The following ANKS1B variants were observed in gnomAD, a reference collection of about 807,000 sequenced individuals.
ANKS1B encodes ankyrin repeat and sterile alpha motif domain-containing protein 1B.
Under a neutral mutation model 148.3 loss-of-function variants are expected in ANKS1B, and 36 were observed. The observed-to-expected ratio is 0.24, with a 90% CI of 0.19 to 0.32. The LOEUF (loss-of-function observed/expected upper bound fraction) is 0.32. Among genes scored for constraint, ANKS1B ranks in the 10% least tolerant of loss-of-function variants. The pLI is 1.00. For synonymous variants in ANKS1B, 542 were observed against 560.8 expected, an observed-to-expected ratio of 0.97 and a Z score of 0.47; for missense variants, 1,157 against 1,542.6, an observed-to-expected ratio of 0.75 and a Z score of 4.19.
intron 8 of ANKS1B, among the ~76,000 whole-genome samples, chr12:99,739,628 C>T (rs2059916239): frequency 6.6e-6 from 1 of 152,136 alleles, no homozygotes; most frequent in Non-Finnish European, 1.5e-5. Context: ...GAAAACTGCC[C>T]CTTCCACGTC....
At position 99,380,754 on chromosome 12, in the gene ANKS1B, CTCCTTCCTTCCT is replaced by C. The variant is rs144164931; in HGVS notation, c.1756+18865_1756+18876del. Among the ~76,000 whole-genome samples the C allele has an allele frequency of 9.0e-4, 120 of 132,832 alleles. 1 individual carries two copies. In the East Asian group the frequency reaches 0.013, roughly 15 times the overall value. 87.1% of individuals were successfully genotyped at this position (132,832 alleles called of 152,430 possible). A position where few individuals can be genotyped will look rare whatever the true frequency, so the allele number is the denominator to read the frequency against. On this transcript the variant is annotated intron_variant, in intron 12 of 26. Transcript: ENST00000683438. ...AATTCTTGTTGATCAGTTTCCTTTC[CTCCTTCCTTCCT>C]TCCTTCCTTCCTTCCTTCCTTCCTT...
In ANKS1B at chr12:99,589,140, T is replaced by A. The variant is rs534240403; in HGVS notation, c.1272+65927A>T. ...AAGACCTGAAATGGTCTCTCTCAAA[T>A]CTCCCACAGTCATAGAGATGGGGTG... is the stretch of plus-strand genomic sequence containing the variant. On this transcript the variant is annotated intron_variant, in intron 9 of 26. Transcript: ENST00000683438. 4.5e-4 allele frequency among the ~76,000 whole-genome samples: 69 copies of A among 152,244 alleles called. 2 individuals are homozygous for A. The South Asian group carries it at 0.012, about 27-fold the overall frequency.
chr12:99,803,011 T>C (rs984120432), intron 4 of ANKS1B, among the ~76,000 whole-genome samples: 15 of 152,104 alleles, frequency 9.9e-5, no homozygotes, highest in Non-Finnish European at 2.9e-5. Context: ...GATTTATTCA[T>C]AATAACTTGA....
intron 1 of ANKS1B, among the ~76,000 whole-genome samples, chr12:99,899,369 T>G (rs939470596): frequency 6.6e-6 from 1 of 152,186 alleles, no homozygotes; most frequent in African/African-American, 2.4e-5. Context: ...AGTTTAATAT[T>G]GTTTCCCTCA....
At chr12:99,164,168 T>C (rs983530345) in intron 14 of ANKS1B, among the ~76,000 whole-genome samples, 2 of 152,100 alleles carry the variant, frequency 1.3e-5, no homozygotes, top group Admixed American at 1.3e-4. Flanking sequence ...ATACTAGGAA[T>C]TTGTTGGACT....
chr12:98,767,776 T>C (rs975962586), intron 25 of ANKS1B, among the ~76,000 whole-genome samples: 2 of 152,252 alleles, frequency 1.3e-5, no homozygotes, highest in African/African-American at 4.8e-5. Flanking sequence ...TACTGAGAAA[T>C]CTAGAGTAAC....
chr12:99,148,050 A>G (rs2073757986), intron 15 of ANKS1B, among the ~76,000 whole-genome samples: 1 of 152,124 alleles, frequency 6.6e-6, no homozygotes, highest in South Asian at 2.1e-4. Context: ...AATGGAGGTC[A>G]CTGCCACTGA....
At chr12:99,507,780 A>G (rs1169218279) in intron 9 of ANKS1B, among the ~76,000 whole-genome samples, 1 of 151,880 alleles carries the variant, frequency 6.6e-6, no homozygotes, top group East Asian at 1.9e-4. Flanking sequence ...GTTGAACAAA[A>G]TATCTGACAA....
chr12:98,852,709 T>A (rs2099536996), intron 17 of ANKS1B, among the ~76,000 whole-genome samples: 2 of 152,160 alleles, frequency 1.3e-5, no homozygotes, highest in Admixed American at 1.3e-4. Context: ...AGAGCCCACA[T>A]TAAAAACACG....
intron 8 of ANKS1B, among the ~76,000 whole-genome samples, chr12:99,688,480 A>C (rs1723690088): frequency 6.6e-6 from 1 of 152,214 alleles, no homozygotes; most frequent in African/African-American, 2.4e-5. Flanking sequence ...AGTGGAAAGG[A>C]TATTCCCAAA....
At chr12:99,470,411 G>T (rs1456561893) in intron 10 of ANKS1B, among the ~76,000 whole-genome samples, 1 of 152,020 alleles carries the variant, frequency 6.6e-6, no homozygotes, top group Non-Finnish European at 1.5e-5. Flanking sequence ...ATCACATCAT[G>T]ATTTGTTATG....
intron 9 of ANKS1B, among the ~76,000 whole-genome samples, chr12:99,598,139 T>A (rs11109938): frequency 0.016 from 2,428 of 152,068 alleles, 66 homozygotes; most frequent in African/African-American, 0.056. Flanking sequence ...CCACATTAGA[T>A]AAAACATATA....
intron 14 of ANKS1B, among the ~76,000 whole-genome samples, chr12:99,193,743 A>G (rs1350108599): frequency 6.7e-6 from 1 of 148,730 alleles, no homozygotes; most frequent in Admixed American, 6.7e-5. Context: ...CAGCCACTGA[A>G]TCTCTGGGGA....
At chr12:99,195,480 GA>G (rs910101210) in intron 14 of ANKS1B, among the ~76,000 whole-genome samples, 1 of 150,838 alleles carries the variant, frequency 6.6e-6, no homozygotes, top group Non-Finnish European at 1.5e-5. Flanking sequence ...ATTGCAATGA[GA>G]AAAAAAAATT....
chr12:99,085,082 C>T, intron 15 of ANKS1B, 59 bp from the exon 16 acceptor site: 19 of 1,344,148 alleles, frequency 1.4e-5, no homozygotes, highest in Non-Finnish European at 2.0e-5. Context: ...GGATAAATAA[C>T]AAGGATTTAT....
chr12:99,385,910 A>G (rs140272665), intron 12 of ANKS1B, among the ~76,000 whole-genome samples: 5 of 152,364 alleles, frequency 3.3e-5, no homozygotes, highest in Admixed American at 3.3e-4. Context: ...ATCTAAAACA[A>G]CAGCTTGTCA....
chr12:99,940,670 C>T (rs1050601893), intron 1 of ANKS1B, among the ~76,000 whole-genome samples: 1 of 152,104 alleles, frequency 6.6e-6, no homozygotes, highest in Non-Finnish European at 1.5e-5. Context: ...GAGAAAGATA[C>T]TAAGATACGC....
intron 9 of ANKS1B, among the ~76,000 whole-genome samples, chr12:99,561,215 C>T (rs1367133143): frequency 6.6e-6 from 1 of 152,094 alleles, no homozygotes; most frequent in Non-Finnish European, 1.5e-5. Flanking sequence ...ATGAACAATT[C>T]TTCTATAGCA....
intron 9 of ANKS1B, among the ~76,000 whole-genome samples, chr12:99,559,615 C>T (rs925354149): frequency 4.6e-5 from 7 of 152,112 alleles, no homozygotes; most frequent in East Asian, 1.9e-4. Context: ...TAGCTATATC[C>T]TTGTATAACC....
Sources: allele counts gnomAD v4.1 joint callset (sites outside exome capture counted in the v4.1 genomes callset), GRCh38; gene constraint gnomAD v4.1.1; transcripts MANE v1.5; gene names NCBI Gene and HGNC (gene_info 2026-07-23, HGNC 2026-07-21).